The following FZR1 variants were observed in gnomAD, a reference collection of about 807,000 sequenced individuals.
The protein encoded by FZR1 is fizzy and cell division cycle 20 related 1, also known as fizzy-related protein homolog.
In FZR1, 11 loss-of-function variants were observed where a neutral mutation model predicts 63.6. The observed-to-expected ratio is 0.17, with a 90% CI of 0.11 to 0.29. FZR1 has a LOEUF of 0.29. Ranked by LOEUF, FZR1 falls within the 10% of genes least tolerant of loss-of-function variation. The pLI is 1.00. For missense variants in FZR1, 440 were observed against 687.5 expected (o/e 0.64, Z 4.03); for synonymous variants, 328 against 297.9 (o/e 1.10, Z -1.04).
chr19:3,534,561 C>T (rs746035868), intron 13 of FZR1, 48 bp downstream of exon 13: 5 of 1,291,310 alleles, frequency 3.9e-6, no homozygotes, highest in East Asian at 4.8e-5. Context: ...CCAGCCTGTC[C>T]CAGGGTCGTC....
rs536143598 is a variant in FZR1, at chr19:3,523,410, G to A, written c.69+352G>A. 2.0e-5 allele frequency among the ~76,000 whole-genome samples: 3 copies of A among 152,270 alleles called. No homozygotes were observed. The South Asian group carries it at 6.2e-4, about 32-fold the overall frequency. On this transcript the variant is annotated intron_variant, in intron 2 of 13. Coordinates refer to ENST00000441788, the MANE Select transcript of FZR1 (RefSeq NM_016263.4). Reference sequence around the variant, plus strand: ...TCTGGAACCCTGTGGGATTTGGGGGGCCCTGGCTTTGTCCTTCCTTGCGCT... The same window carrying A: ...TCTGGAACCCTGTGGGATTTGGGGGACCCTGGCTTTGTCCTTCCTTGCGCT...
At chr19:3,511,964 C>G (rs992778179) in intron 1 of FZR1, among the ~76,000 whole-genome samples, 2 of 152,214 alleles carry the variant, frequency 1.3e-5, no homozygotes, top group African/African-American at 4.8e-5. Flanking sequence ...CTCCGCTAGG[C>G]CCCGGCTCTG....
rs2029979257 is a variant in FZR1, at chr19:3,536,598, C to T, written c.*1762C>T. 6.6e-6 allele frequency: 1 copy of T among 152,498 alleles called. No individual in the cohort carries two copies. The highest frequency in any genetic ancestry group is 6.5e-5 in the Admixed American group (1 of 15,312). The allele number at this position is 152,498 out of a possible 1,614,324, so 9.4% of individuals were successfully genotyped here. ...CCACAGTGGCCTTCAGAGGCTCCTC[C>T]TGGGACTGGGAACCGCCGCAGGGCC... On this transcript the variant is annotated 3_prime_UTR_variant, in exon 14 of 14. Transcript: ENST00000441788.
At chr19:3,509,051 C>T (rs1345844497) in intron 1 of FZR1, among the ~76,000 whole-genome samples, 1 of 152,262 alleles carries the variant, frequency 6.6e-6, no homozygotes, top group African/African-American at 2.4e-5. Context: ...CTCTTCTGCC[C>T]CCGACACCTC....
chr19:3,524,987 C>T (rs2083138471), intron 2 of FZR1, among the ~76,000 whole-genome samples: 1 of 152,110 alleles, frequency 6.6e-6, no homozygotes, highest in Non-Finnish European at 1.5e-5. Context: ...CTTTTAGGGA[C>T]ACCGGTCAGC....
chr19:3,518,953 A>G (rs57537960), intron 1 of FZR1, among the ~76,000 whole-genome samples: 2,500 of 152,316 alleles, frequency 0.016, 64 homozygotes, highest in African/African-American at 0.057. Flanking sequence ...CTCCTCTGGT[A>G]GGGAGCTCAC....
intron 1 of FZR1, among the ~76,000 whole-genome samples, chr19:3,518,057 C>G (rs1014353749): frequency 1.1e-4 from 17 of 149,906 alleles, no homozygotes; most frequent in Non-Finnish European, 4.4e-5. Flanking sequence ...CTGTGTCACC[C>G]AGGCTGGAGT....
intron 1 of FZR1, among the ~76,000 whole-genome samples, chr19:3,519,144 G>C (rs1326594433): frequency 2.0e-5 from 3 of 152,242 alleles, no homozygotes; most frequent in Non-Finnish European, 4.4e-5. Context: ...TGGGCAGAGA[G>C]AGGGCCTCCA....
In FZR1 at chr19:3,538,205, C is replaced by A; in HGVS notation, c.*3369C>A. The A allele has an allele frequency of 6.2e-6, 1 of 161,022 alleles. No individual in the cohort carries two copies. The highest frequency in any genetic ancestry group is 1.7e-4 in the South Asian group (1 of 5,928). 10.0% of individuals were successfully genotyped at this position (161,022 alleles called of 1,614,324 possible). On this transcript the variant is annotated 3_prime_UTR_variant, in exon 14 of 14. Coordinates refer to ENST00000441788, the MANE Select transcript of FZR1 (RefSeq NM_016263.4). ...GACCAGGGTGCAGGCTCCGCCCCCA[C>A]CCAAGGCCGGGCCCAGCCAGAGGAG...
intron 1 of FZR1, among the ~76,000 whole-genome samples, chr19:3,513,400 CT>C (rs2083037421): frequency 6.6e-6 from 1 of 152,212 alleles, no homozygotes; most frequent in African/African-American, 2.4e-5. Context: ...GTCTAGGACA[CT>C]TCGCCTCCTG....
At chr19:3,528,738 G>C (rs1415174940) in intron 7 of FZR1, among the ~76,000 whole-genome samples, 1 of 117,816 alleles carries the variant, frequency 8.5e-6, no homozygotes, top group Non-Finnish European at 1.8e-5. Context: ...TGGGTGAGTG[G>C]ATGGGAGAGT....
Position 3,526,208 on chromosome 19 carries a change from T to G in FZR1, c.259+25T>G, listed in dbSNP as rs770734196. ...GGTTAGGGTCCCAGCCCATCCGCCC[T>G]GCAGGCCCCCACCCTGCCTTGCCCC... On this transcript the variant is annotated intron_variant, in intron 4 of 13. Coordinates refer to ENST00000441788, the MANE Select transcript of FZR1 (RefSeq NM_016263.4). The surrounding 1 kb of genome is among the most constrained non-coding windows in gnomAD (Gnocchi z 5.4). The G allele has an allele frequency of 1.2e-6, 2 of 1,611,746 alleles. No homozygotes were observed. The highest frequency in any genetic ancestry group is 1.7e-6 in the Non-Finnish European group (2 of 1,179,838).
rs527656875 is a variant in FZR1 at position 3,528,073 on chromosome 19, C to T, written c.654+259C>T. ...CAGCCATGGCCCTCCCAGCCACTGC[C>T]CTCCCAGCCAGCAGTGGCATCTGCG... On this transcript the variant is annotated intron_variant, in intron 7 of 13. Coordinates refer to ENST00000441788, the MANE Select transcript of FZR1 (RefSeq NM_016263.4). Among the ~76,000 whole-genome samples, 3 of 152,048 alleles carry T rather than the reference C, an allele frequency of 2.0e-5. No individual in the cohort carries two copies. The South Asian group carries it at 6.2e-4, about 32-fold the overall frequency.
intron 1 of FZR1, among the ~76,000 whole-genome samples, chr19:3,518,903 C>T (rs1241762415): frequency 2.6e-5 from 4 of 152,214 alleles, no homozygotes; most frequent in Non-Finnish European, 4.4e-5. Context: ...CATGCCACCA[C>T]CTGGAATGCT....
At chr19:3,528,311 G>A (rs549621665) in intron 7 of FZR1, among the ~76,000 whole-genome samples, 17 of 152,352 alleles carry the variant, frequency 1.1e-4, no homozygotes, top group African/African-American at 3.8e-4. Context: ...GCTGGGGTGG[G>A]GGTTTCAGGG....
Position 3,515,011 on chromosome 19 carries a change from C to T in FZR1, c.-34-7945C>T, listed in dbSNP as rs1482078406. Among the ~76,000 whole-genome samples the T allele has an allele frequency of 6.6e-6, 1 of 152,166 alleles. No individual in the cohort carries two copies. The highest frequency in any genetic ancestry group is 1.5e-5 in the Non-Finnish European group (1 of 68,008). On this transcript the variant is annotated intron_variant, in intron 1 of 13. Transcript: ENST00000441788. This position sits in a 1 kb window ranked among gnomAD's most constrained non-coding sequence, Gnocchi z 4.6. ...GCAGGACCCACAGGGCAGTGCCCTG[C>T]CAAGGGGATGGGGCAGCAGGAAGCC... is the stretch of plus-strand genomic sequence containing the variant.
At chr19:3,522,198 T>C (rs760417551) in intron 1 of FZR1, among the ~76,000 whole-genome samples, 1 of 152,234 alleles carries the variant, frequency 6.6e-6, no homozygotes, top group Non-Finnish European at 1.5e-5. Flanking sequence ...GGCTACCTTC[T>C]GTCTCCATGG....
chr19:3,517,810 A>C (rs149831440), intron 1 of FZR1, among the ~76,000 whole-genome samples: 3 of 152,220 alleles, frequency 2.0e-5, no homozygotes, highest in African/African-American at 4.8e-5. Context: ...CAAGATAAAC[A>C]AAAAAGGGTC....
At position 3,535,086 on chromosome 19, in the gene FZR1, G is replaced by A. The variant is rs550692058; in HGVS notation, c.*250G>A. On this transcript the variant is annotated 3_prime_UTR_variant, in exon 14 of 14. Coordinates refer to ENST00000441788, the MANE Select transcript of FZR1 (RefSeq NM_016263.4). ...GGCTCTGTCTCCCTTCCCAAAGGGCGAGAACCACATTGGACGGTCCCGGCT... is the reference window on the plus strand; with the variant it reads ...GGCTCTGTCTCCCTTCCCAAAGGGCAAGAACCACATTGGACGGTCCCGGCT... 8.8e-5 allele frequency: 50 copies of A among 568,912 alleles called. No individual in the cohort carries two copies. Among genetic ancestry groups the A allele is most frequent in the Non-Finnish European group, 1.2e-4 (39 of 317,780 alleles). The allele number at this position is 568,912 out of a possible 1,614,324, so 35.2% of individuals were successfully genotyped here. A position where few individuals can be genotyped will look rare whatever the true frequency, so the allele number is the denominator to read the frequency against.
Sources: allele counts gnomAD v4.1 joint callset (sites outside exome capture counted in the v4.1 genomes callset), GRCh38; gene constraint gnomAD v4.1.1; non-coding constraint Gnocchi (gnomAD v3.1); transcripts MANE v1.5; gene names NCBI Gene and HGNC (gene_info 2026-07-23, HGNC 2026-07-21).